Variants in ABCA8 observed in about 807,000 individuals in gnomAD.
ABCA8 encodes ABC-type organic anion transporter ABCA8.
Under a neutral mutation model 192.3 loss-of-function variants are expected in ABCA8, and 177 were observed. That is an observed-to-expected ratio of 0.92 (90% confidence interval 0.81 to 1.04). ABCA8 has a LOEUF of 1.04. Ranked by LOEUF, ABCA8 falls within the 50% of genes least tolerant of loss-of-function variation. ABCA8 has a pLI of 0.00. For synonymous variants in ABCA8, 642 were observed against 690.2 expected (o/e 0.93, Z 1.09); for missense variants, 1,915 against 1,904.8 (o/e 1.01, Z -0.10).
At chr17:68,925,558 G>A (rs183585615) in intron 10 of ABCA8, among the ~76,000 whole-genome samples, 6 of 152,198 alleles carry the variant, frequency 3.9e-5, no homozygotes, top group East Asian at 3.9e-4. Context: ...ATTATGAAAC[G>A]GAAGAATCGT....
chr17:68,943,218 T>G (rs1365724290), intron 2 of ABCA8, among the ~76,000 whole-genome samples: 4 of 152,160 alleles, frequency 2.6e-5, no homozygotes, highest in Admixed American at 6.5e-5. Context: ...TACATTGTCT[T>G]TTTAAAATGT....
Position 68,891,524 on chromosome 17 carries a change from G to A in ABCA8, c.3109C>T (p.Pro1037Ser), listed in dbSNP as rs1470569112. Residue 1037 changes from proline (P) to serine (S), a missense_variant, in exon 24 of 40, where the codon CCT becomes TCT. Pro to Ser is a moderately conservative substitution (Grantham distance 74, BLOSUM62 -1). Transcript: ENST00000586539. ...FWLVLTSSCP[P>S]YIAMSSIDDY... ...TCGATGCTGCTCATGGCAATGTAAG[G>A]TGGGCAACTCGATGTTAAAACCAGC... 1.2e-6 allele frequency: 2 copies of A among 1,612,866 alleles called. No individual in the cohort carries two copies. Among genetic ancestry groups the A allele is most frequent in the East Asian group, 4.5e-5 (2 of 44,794 alleles).
At chr17:68,942,647 A>G (rs1448549532) in intron 2 of ABCA8, among the ~76,000 whole-genome samples, 1 of 152,130 alleles carries the variant, frequency 6.6e-6, no homozygotes, top group Non-Finnish European at 1.5e-5. Context: ...AGTGCACTCT[A>G]GTACTGGTGT....
At chr17:68,881,629 T>C (rs1182208486) in intron 31 of ABCA8, among the ~76,000 whole-genome samples, 1 of 152,252 alleles carries the variant, frequency 6.6e-6, no homozygotes, top group African/African-American at 2.4e-5. Flanking sequence ...TGTTATTACT[T>C]CAAAAGTTCA....
At chr17:68,918,359 A>G in intron 15 of ABCA8, 68 bp downstream of exon 15, 1 of 1,524,132 alleles carries the variant, frequency 6.6e-7, no homozygotes, top group Non-Finnish European at 8.8e-7. Context: ...CGAATAAAAT[A>G]TTTGAACTAT....
At chr17:68,896,523 G>A (rs901982908) in intron 21 of ABCA8, among the ~76,000 whole-genome samples, 8 of 152,044 alleles carry the variant, frequency 5.3e-5, no homozygotes, top group Non-Finnish European at 7.4e-5. Flanking sequence ...ATCTCGTATC[G>A]TCCACTCTGT....
At chr17:68,929,730 G>A (rs187336407) in intron 7 of ABCA8, 28 bp from the exon 8 acceptor site, 4 of 1,570,758 alleles carry the variant, frequency 2.5e-6, no homozygotes, top group Non-Finnish European at 3.4e-6. Flanking sequence ...TGTTATTTTA[G>A]TATTTTATGT....
intron 8 of ABCA8, 108 bp from the exon 9 acceptor site, chr17:68,929,342 A>G: frequency 9.2e-7 from 1 of 1,091,756 alleles, no homozygotes; most frequent in South Asian, 2.0e-5. Context: ...ACAGTTGTAT[A>G]TTATAGTTAT....
chr17:68,875,426 G>GA, intron 36 of ABCA8, 26 bp from the exon 37 acceptor site: 1 of 1,600,956 alleles, frequency 6.2e-7, no homozygotes, highest in South Asian at 1.1e-5. Flanking sequence ...ATATGAGAAA[G>GA]GAGAAAAAAA....
Position 68,919,320 on chromosome 17 carries a change from G to T in ABCA8, c.1769C>A (p.Pro590Gln), listed in dbSNP as rs747462716. ...TTGTACCTCTTTATCCACTTCTTGT[G>T]GCAGAATCCCTTTTATTTTAGCAAA... ...RLFAKIKGIL[P>Q]QEVDKEIQRV... The change falls in exon 14 of 40, where the codon CCA becomes CAA. Residue 590 changes from proline to glutamine, a missense_variant. Pro to Gln is a moderately conservative substitution (Grantham distance 76). Transcript: ENST00000586539. 4 of 1,611,378 alleles carry T rather than the reference G, an allele frequency of 2.5e-6. No individual in the cohort carries two copies. The highest frequency in any genetic ancestry group is 2.2e-5 in the East Asian group (1 of 44,842).
intron 7 of ABCA8, among the ~76,000 whole-genome samples, chr17:68,930,702 T>C (rs1429878903): frequency 6.6e-6 from 1 of 152,158 alleles, no homozygotes; most frequent in Admixed American, 6.5e-5. Context: ...TAACTATGTT[T>C]CAAGTTCAGG....
At chr17:68,886,879 A>G (rs1400974390) in intron 26 of ABCA8, 138 bp downstream of exon 26, 5 of 427,076 alleles carry the variant, frequency 1.2e-5, no homozygotes, top group Non-Finnish European at 4.0e-6. Flanking sequence ...AGTTTTGACC[A>G]TGTCAGTAAC....
In ABCA8 at chr17:68,907,754, G is replaced by C; in HGVS notation, c.2264C>G (p.Thr755Arg). Residue 755 changes from threonine (T) to arginine (R), a missense_variant, in exon 18 of 40, where the codon ACA becomes AGA. Coordinates refer to ENST00000586539, the MANE Select transcript of ABCA8 (RefSeq NM_001288985.2). Reference sequence around the variant, plus strand: ...ATGCACATTACCTGGAAATTTATTTGTTCTTTCTAAGGGTAATGTATAAAT... The same window carrying C: ...ATGCACATTACCTGGAAATTTATTTCTTCTTTCTAAGGGTAATGTATAAAT... ...KLIYTLPLER[T>R]NKFPELYKDL... The C allele has an allele frequency of 6.3e-7, 1 of 1,588,562 alleles. No individual in the cohort carries two copies.
rs140292700 is a variant in ABCA8, at chr17:68,939,240, G to A, written c.301+1518C>T. On this transcript the variant is annotated intron_variant, in intron 4 of 39. Coordinates refer to ENST00000586539, the MANE Select transcript of ABCA8 (RefSeq NM_001288985.2). ...GGGCGATCACCACAGATTTCCCTTT[G>A]AAGTATGCATTTATAGTTGTAAAGG... 9.2e-5 allele frequency among the ~76,000 whole-genome samples: 14 copies of A among 152,214 alleles called. No individual in the cohort carries two copies. In the East Asian group the frequency reaches 2.5e-3, roughly 27 times the overall value.
In ABCA8 at chr17:68,932,521, A is replaced by G. The variant is rs553647417; in HGVS notation, c.571-7T>C. The G allele has an allele frequency of 9.1e-5, 145 of 1,599,534 alleles. 2 individuals carry two copies. In the South Asian group the frequency reaches 1.6e-3, roughly 17 times the overall value. The stretch of plus-strand genomic sequence containing the variant: ...CTGAGTGATTTGTTGTGATCTGAAG[A>G]AAGGCATTAATAAGCAAAATTTGTA... On this transcript the variant is annotated splice_polypyrimidine_tract_variant and splice_region_variant and intron_variant, in intron 6 of 39. Coordinates refer to ENST00000586539, the MANE Select transcript of ABCA8 (RefSeq NM_001288985.2).
rs138718372 is a variant in ABCA8, at chr17:68,888,090, T to TACAC, written c.3145-588_3145-585dup. 6.5e-4 allele frequency among the ~76,000 whole-genome samples: 94 copies of TACAC among 145,128 alleles called. 1 individual carries two copies. The highest frequency in any genetic ancestry group is 2.1e-3 in the African/African-American group (84 of 39,678). ...CACACTCCATATATATACACACACA[T>TACAC]ACACACACACACACACATATATAAT... On this transcript the variant is annotated intron_variant, in intron 24 of 39. Coordinates refer to ENST00000586539, the MANE Select transcript of ABCA8 (RefSeq NM_001288985.2).
At chr17:68,882,464 G>A (rs981582907) in intron 30 of ABCA8, 135 bp downstream of exon 30, 26 of 666,402 alleles carry the variant, frequency 3.9e-5, no homozygotes, top group East Asian at 1.4e-4. Flanking sequence ...ACTTTTAGTC[G>A]CTCATTTAAT....
chr17:68,902,272 T>A (rs1014369902), intron 21 of ABCA8, among the ~76,000 whole-genome samples: 1 of 152,194 alleles, frequency 6.6e-6, no homozygotes. Context: ...AAATTTGTGA[T>A]TGCTGAGGAG....
intron 11 of ABCA8, among the ~76,000 whole-genome samples, chr17:68,923,609 C>T (rs1276576001): frequency 2.0e-5 from 3 of 152,306 alleles, no homozygotes; most frequent in African/African-American, 7.2e-5. Context: ...AAAAGAAACA[C>T]ACAAGCACCT....
Sources: gnomAD v4.1 joint callset for allele counts (sites outside exome capture counted in the v4.1 genomes callset) on GRCh38, gnomAD v4.1.1 for gene constraint, MANE v1.5 for transcripts, NCBI Gene and HGNC (gene_info 2026-07-23, HGNC 2026-07-21) for gene names.